Variants in FADS2 observed in about 807,000 individuals in gnomAD.
FADS2 encodes acyl-CoA 6-desaturase.
In FADS2, 18 loss-of-function variants were observed where a neutral mutation model predicts 61.2. The observed-to-expected ratio is 0.29, with a 90% CI of 0.20 to 0.44. The LOEUF (loss-of-function observed/expected upper bound fraction) is 0.44. Ranked by LOEUF, FADS2 falls within the 20% of genes least tolerant of loss-of-function variation. FADS2 has a pLI of 1.00. For synonymous variants in FADS2, 203 were observed against 223.9 expected (o/e 0.91, Z 0.83); for missense variants, 322 against 572.7 (o/e 0.56, Z 4.47).
upstream of FADS2, among the ~76,000 whole-genome samples, chr11:61,824,433 AGGGAGGGAGGGAGGGAGGGAGGGAG>A (rs1565325176): frequency 1.9e-3 from 12 of 6,224 alleles, no homozygotes; most frequent in African/African-American, 6.2e-3. Flanking sequence ...AGAGAGAGAG[AGGGAGGGAGGGAGGGAGGGAGGGAG>A]GGAGAGAGAG....
At chr11:61,862,531 ACCCC>A in intron 7 of FADS2, 7 of 189,692 alleles carry the variant, frequency 3.7e-5, no homozygotes, top group Admixed American at 1.1e-4. Context: ...GACCTTCCCT[ACCCC>A]TCCAAGCCCT....
chr11:61,844,943 A>G (rs1435569581), intron 4 of FADS2, among the ~76,000 whole-genome samples: 1 of 151,410 alleles, frequency 6.6e-6, no homozygotes, highest in Non-Finnish European at 1.5e-5. Flanking sequence ...AAAAGAAAAA[A>G]GAAAAAAGAA....
At chr11:61,836,382 G>A (rs748805018) in intron 1 of FADS2, among the ~76,000 whole-genome samples, 5 of 152,078 alleles carry the variant, frequency 3.3e-5, no homozygotes, top group Non-Finnish European at 5.9e-5. Context: ...ACAGGCATGA[G>A]CCACTGTGCC....
intron 1 of FADS2, chr11:61,829,356 T>G (rs1425033723): frequency 1.3e-5 from 2 of 152,236 alleles, no homozygotes; most frequent in African/African-American, 4.8e-5. Flanking sequence ...CACTCGAGGT[T>G]ACTCTCGGGC....
intron 4 of FADS2, among the ~76,000 whole-genome samples, chr11:61,845,685 C>G (rs758853961): frequency 6.6e-6 from 1 of 150,618 alleles, no homozygotes; most frequent in Admixed American, 6.6e-5. Flanking sequence ...CTCAGCTACT[C>G]GGAAGGCTGA....
chr11:61,857,184 G>A (rs1028648243), intron 6 of FADS2, 113 bp downstream of exon 6: 4 of 969,174 alleles, frequency 4.1e-6, no homozygotes, highest in East Asian at 2.4e-5. Context: ...CACTAAACTT[G>A]TTAGAAGCGG....
At chr11:61,837,995 G>C (rs2067188616) in intron 2 of FADS2, 107 bp downstream of exon 2, 2 of 792,184 alleles carry the variant, frequency 2.5e-6, no homozygotes, top group Non-Finnish European at 4.2e-6. Context: ...GGCTGAGGCA[G>C]GGGTGCTTTT....
upstream of FADS2, chr11:61,825,885 T>C: frequency 3.4e-6 from 2 of 586,478 alleles, no homozygotes; most frequent in Non-Finnish European, 6.1e-6. Context: ...AGAGTGAGAC[T>C]GCATCTCAAA....
At position 61,828,744 on chromosome 11, in the gene FADS2, C is replaced by G. The variant is rs2067103238; in HGVS notation, c.207+147C>G. On this transcript the variant is annotated intron_variant, in intron 1 of 11. Transcript: ENST00000278840. The surrounding 1 kb of genome is among the most constrained non-coding windows in gnomAD (Gnocchi z 6.4). The stretch of plus-strand genomic sequence containing the variant: ...GGAAAGTGCATCTATTGCACTCGTA[C>G]CCCCTCCCCAATCCTCCTCCTCCTC... 1.5e-6 allele frequency: 1 copy of G among 679,436 alleles called. No homozygotes were observed. The highest frequency in any genetic ancestry group is 2.9e-5 in the Admixed American group (1 of 35,006). The allele number at this position is 679,436 out of a possible 1,614,324, so 42.1% of individuals were successfully genotyped here. A position where few individuals can be genotyped will look rare whatever the true frequency, so the allele number is the denominator to read the frequency against.
At chr11:61,864,418 G>A (rs998396368) in intron 10 of FADS2, among the ~76,000 whole-genome samples, 1 of 151,366 alleles carries the variant, frequency 6.6e-6, no homozygotes, top group Non-Finnish European at 1.5e-5. Flanking sequence ...TTTTGAGACA[G>A]AATCTCACTC....
chr11:61,851,177 G>T (rs574836212), intron 5 of FADS2, among the ~76,000 whole-genome samples: 189 of 152,326 alleles, frequency 1.2e-3, no homozygotes, highest in Non-Finnish European at 2.1e-3. Flanking sequence ...TGGGGACAAA[G>T]GCTTCATTTT....
At chr11:61,840,591 G>T (rs1274906967) in intron 3 of FADS2, 33 bp from the exon 4 acceptor site, 2 of 1,612,630 alleles carry the variant, frequency 1.2e-6, no homozygotes, top group African/African-American at 1.3e-5. Flanking sequence ...GTTTGCTGAG[G>T]CTGTGACAGC....
At chr11:61,828,053 C>A, upstream of FADS2, 2 of 1,178,772 alleles carry the variant, frequency 1.7e-6, no homozygotes, top group Admixed American at 4.5e-5. This position sits in a 1 kb window ranked among gnomAD's most constrained non-coding sequence, Gnocchi z 6.4. Context: ...GCGGGGGGAG[C>A]CGGAGGGGCG....
intron 1 of FADS2, chr11:61,817,099 C>CCAA: frequency 1.4e-6 from 1 of 728,432 alleles, no homozygotes; most frequent in Non-Finnish European, 2.0e-6. Context: ...CCAGGGGGCG[C>CCAA]CGCGGTAGGA....
At chr11:61,864,197 T>C (rs2067442456) in intron 10 of FADS2, 1 of 159,630 alleles carries the variant, frequency 6.3e-6, no homozygotes. Context: ...TTTTTTTTTT[T>C]TTTTATTAAA....
chr11:61,833,577 C>T (rs1210047842), intron 1 of FADS2, among the ~76,000 whole-genome samples: 1 of 152,242 alleles, frequency 6.6e-6, no homozygotes, highest in Non-Finnish European at 1.5e-5. Context: ...GGGCAGGTGG[C>T]TCTGCCAACC....
intron 7 of FADS2, 27 bp downstream of exon 7, chr11:61,857,557 C>A (rs2067372464): frequency 1.3e-6 from 2 of 1,593,426 alleles, no homozygotes; most frequent in Non-Finnish European, 1.7e-6. Context: ...GCTGGCTTGG[C>A]ATGGGGAGGA....
chr11:61,817,151 C>A, intron 1 of FADS2: 1 of 394,040 alleles, frequency 2.5e-6, no homozygotes, highest in South Asian at 4.9e-5. Flanking sequence ...GGCCGCGCTG[C>A]AGGAGTGAAT....
chr11:61,824,505 A>G (rs58869395), upstream of FADS2, among the ~76,000 whole-genome samples: 669 of 88,298 alleles, frequency 7.6e-3, 136 homozygotes, highest in East Asian at 0.072. Context: ...AAAGAAAGGA[A>G]AGAAAGAAAG....
Sources: gnomAD v4.1 joint callset for allele counts (sites outside exome capture counted in the v4.1 genomes callset) on GRCh38, gnomAD v4.1.1 for gene constraint, Gnocchi (gnomAD v3.1) non-coding constraint, MANE v1.5 for transcripts, NCBI Gene and HGNC (gene_info 2026-07-23, HGNC 2026-07-21) for gene names.